Variants in BTBD9 observed in about 807,000 individuals in gnomAD.
BTBD9 encodes the protein BTB domain containing 9.
A neutral mutation model predicts 64.3 loss-of-function variants in BTBD9; 49 were observed. The ratio of observed to expected loss-of-function variants is 0.76; its 90% CI spans 0.61 to 0.97. The LOEUF (loss-of-function observed/expected upper bound fraction) is 0.97. Among genes scored for constraint, BTBD9 ranks in the 50% least tolerant of loss-of-function variants. The probability of loss-of-function intolerance (pLI) is 0.00; values close to 1 mark genes in which losing one functional copy is unlikely to be tolerated. For missense variants in BTBD9, 598 were observed against 762.1 expected, an observed-to-expected ratio of 0.78 and a Z score of 2.53; for synonymous variants, 260 against 274.7, an observed-to-expected ratio of 0.95 and a Z score of 0.53.
intron 10 of BTBD9, among the ~76,000 whole-genome samples, chr6:38,182,346 GGAGA>G (rs1761595745): frequency 6.6e-6 from 1 of 152,180 alleles, no homozygotes. Context: ...AGAGTTCCAG[GGAGA>G]GAGTTACTTT....
chr6:38,420,551 TA>T (rs908888617), intron 6 of BTBD9, among the ~76,000 whole-genome samples: 27 of 151,674 alleles, frequency 1.8e-4, no homozygotes, highest in African/African-American at 6.0e-4. Flanking sequence ...CAGAGAAGGT[TA>T]AAAAAAATAA....
intron 9 of BTBD9, among the ~76,000 whole-genome samples, chr6:38,199,572 G>T (rs1351488391): frequency 1.3e-5 from 2 of 152,210 alleles, no homozygotes; most frequent in Non-Finnish European, 2.9e-5. Context: ...GGGCTATGGA[G>T]AAACACAAAA....
At chr6:38,349,872 G>T (rs1302292520) in intron 6 of BTBD9, among the ~76,000 whole-genome samples, 5 of 152,192 alleles carry the variant, frequency 3.3e-5, no homozygotes, top group Admixed American at 3.3e-4. Context: ...TCAGAATGTA[G>T]ATTTCCTAGC....
At chr6:38,621,518 G>A (rs973160231) in intron 1 of BTBD9, among the ~76,000 whole-genome samples, 1 of 152,216 alleles carries the variant, frequency 6.6e-6, no homozygotes, top group African/African-American at 2.4e-5. Flanking sequence ...GTACCTGAAA[G>A]CAAGCCCCTT....
intron 7 of BTBD9, among the ~76,000 whole-genome samples, chr6:38,323,275 T>G (rs1763304304): frequency 6.6e-6 from 1 of 152,238 alleles, no homozygotes; most frequent in Non-Finnish European, 1.5e-5. Flanking sequence ...CTAACCACTA[T>G]TTCAATTTTG....
intron 6 of BTBD9, among the ~76,000 whole-genome samples, chr6:38,509,250 A>T (rs1435858927): frequency 6.6e-6 from 1 of 152,258 alleles, no homozygotes; most frequent in Admixed American, 6.5e-5. Context: ...TCTTCTGCAC[A>T]AGGGTAAAAG....
At chr6:38,355,612 C>T (rs1764697025) in intron 6 of BTBD9, among the ~76,000 whole-genome samples, 1 of 152,166 alleles carries the variant, frequency 6.6e-6, no homozygotes, top group Non-Finnish European at 1.5e-5. Flanking sequence ...TAAGAAAGGA[C>T]GTTTTTTAAT....
At chr6:38,383,225 A>C (rs1766012387) in intron 6 of BTBD9, among the ~76,000 whole-genome samples, 1 of 152,214 alleles carries the variant, frequency 6.6e-6, no homozygotes, top group African/African-American at 2.4e-5. Flanking sequence ...AAATCTTACA[A>C]TATAATTCAC....
chr6:38,415,477 T>C (rs1166289968), intron 6 of BTBD9, among the ~76,000 whole-genome samples: 1 of 152,152 alleles, frequency 6.6e-6, no homozygotes, highest in African/African-American at 2.4e-5. Flanking sequence ...GATGACATCT[T>C]GATTTTAGCC....
intron 6 of BTBD9, among the ~76,000 whole-genome samples, chr6:38,384,293 T>C (rs1024529475): frequency 6.6e-6 from 1 of 152,198 alleles, no homozygotes; most frequent in Admixed American, 6.5e-5. Context: ...TGCTATAACA[T>C]CAAATATGCT....
At position 38,333,239 on chromosome 6, in the gene BTBD9, A is replaced by T. The variant is rs1271464741; in HGVS notation, c.1264+11745T>A. On this transcript the variant is annotated intron_variant, in intron 7 of 10. Transcript: ENST00000481247. ...CCAAATACACATGCTGAAAATAATGATGTAAAAAGAAAGGGCAAGATAGGG... is the reference window on the plus strand; with the variant it reads ...CCAAATACACATGCTGAAAATAATGTTGTAAAAAGAAAGGGCAAGATAGGG... 2.0e-5 allele frequency among the ~76,000 whole-genome samples: 3 copies of T among 152,192 alleles called. No individual in the cohort carries two copies. The East Asian group carries it at 5.8e-4, about 29-fold the overall frequency.
At chr6:38,300,467 G>A (rs576364302) in intron 7 of BTBD9, among the ~76,000 whole-genome samples, 13 of 152,238 alleles carry the variant, frequency 8.5e-5, no homozygotes, top group African/African-American at 1.7e-4. Context: ...CCATTTTCAC[G>A]ATATTGATTC....
intron 7 of BTBD9, among the ~76,000 whole-genome samples, chr6:38,300,012 T>A (rs2127562833): frequency 1.3e-5 from 2 of 152,356 alleles, no homozygotes; most frequent in South Asian, 4.1e-4. Context: ...AAGTCTTTAA[T>A]CCATCTTGAA....
intron 4 of BTBD9, among the ~76,000 whole-genome samples, chr6:38,590,108 A>ATGC (rs1424388946): frequency 6.6e-6 from 1 of 152,182 alleles, no homozygotes; most frequent in Admixed American, 6.5e-5. Context: ...TACCCATTAT[A>ATGC]TGCTATTTGG....
chr6:38,294,981 C>CT (rs1357623621), intron 7 of BTBD9, among the ~76,000 whole-genome samples: 1 of 151,090 alleles, frequency 6.6e-6, no homozygotes, highest in Non-Finnish European at 1.5e-5. Context: ...TTTTTTTTCT[C>CT]TTTTTTTCCC....
At chr6:38,198,341 C>T (rs775800308) in intron 9 of BTBD9, among the ~76,000 whole-genome samples, 50 of 151,988 alleles carry the variant, frequency 3.3e-4, no homozygotes, top group Non-Finnish European at 6.5e-4. Flanking sequence ...GTGTCACCAT[C>T]GGAAAGAAGC....
At chr6:38,292,228 T>G (rs2127557785) in intron 7 of BTBD9, among the ~76,000 whole-genome samples, 1 of 152,260 alleles carries the variant, frequency 6.6e-6, no homozygotes, top group Non-Finnish European at 1.5e-5. Flanking sequence ...CCTCCCAAAG[T>G]GCTGGGATTA....
At chr6:38,293,096 C>T (rs1762022563) in intron 7 of BTBD9, among the ~76,000 whole-genome samples, 1 of 152,088 alleles carries the variant, frequency 6.6e-6, no homozygotes, top group African/African-American at 2.4e-5. Context: ...CATTCAGGAG[C>T]AGTTGTTCAG....
chr6:38,416,642 C>T (rs773570464), intron 6 of BTBD9, among the ~76,000 whole-genome samples: 5 of 151,916 alleles, frequency 3.3e-5, no homozygotes, highest in Admixed American at 2.0e-4. Context: ...CCACGCCTGG[C>T]CCCCTCTCTG....
Sources: allele counts gnomAD v4.1 joint callset (sites outside exome capture counted in the v4.1 genomes callset), GRCh38; gene constraint gnomAD v4.1.1; transcripts MANE v1.5; gene names NCBI Gene and HGNC (gene_info 2026-07-23, HGNC 2026-07-21).